Variants in FER1L6 observed in about 807,000 individuals in gnomAD.
FER1L6 encodes fer-1-like protein 6.
A neutral mutation model predicts 219.2 loss-of-function variants in FER1L6; 177 were observed. The observed-to-expected ratio is 0.81, with a 90% CI of 0.71 to 0.91. The LOEUF (loss-of-function observed/expected upper bound fraction) is 0.91, where lower values mean the gene tolerates loss of function less well. Ranked by LOEUF, FER1L6 falls within the 40% of genes least tolerant of loss-of-function variation. The probability of loss-of-function intolerance (pLI) is 0.00; values close to 1 mark genes in which losing one functional copy is unlikely to be tolerated. For missense variants in FER1L6, 2,153 were observed against 2,259.9 expected (o/e 0.95, Z 0.96); for synonymous variants, 768 against 824.3 (o/e 0.93, Z 1.17).
At chr8:123,873,175 A>G (rs142357778) in intron 1 of FER1L6, among the ~76,000 whole-genome samples, 1,694 of 152,280 alleles carry the variant, frequency 0.011, 16 homozygotes, top group Non-Finnish European at 0.017. Context: ...AAGATCCACC[A>G]TGCACCTGAC....
chr8:124,026,054 C>A (rs1413144491), intron 18 of FER1L6, among the ~76,000 whole-genome samples: 3 of 152,064 alleles, frequency 2.0e-5, no homozygotes, highest in African/African-American at 7.2e-5. Context: ...CACCCTTCAT[C>A]AAGACAGAGT....
intron 25 of FER1L6, among the ~76,000 whole-genome samples, chr8:124,062,586 A>G (rs1471499802): frequency 6.6e-6 from 1 of 152,140 alleles, no homozygotes; most frequent in African/African-American, 2.4e-5. Flanking sequence ...CTCTGTTTTA[A>G]GCTCTATCCA....
intron 14 of FER1L6, 80 bp downstream of exon 14, chr8:124,010,794 G>A: frequency 6.4e-7 from 1 of 1,556,344 alleles, no homozygotes; most frequent in South Asian, 1.2e-5. Flanking sequence ...ACCTAGTAGA[G>A]GATGTTGACC....
rs1048436807 is a variant in FER1L6, at chr8:123,977,533, C to T, written c.987C>T (p.Gly329=). The T allele has an allele frequency of 6.2e-7, 1 of 1,614,072 alleles. No homozygotes were observed. The highest frequency in any genetic ancestry group is 1.7e-5 in the Admixed American group (1 of 60,008). Residue 329 remains glycine, a synonymous_variant, in exon 10 of 41, where the codon GGC becomes GGT. Coordinates refer to ENST00000522917, the MANE Select transcript of FER1L6 (RefSeq NM_001039112.2). ...TGAAAATCCAGGTGTGGGATGAAGGCAGCATGAATGACGTAGCCCTGGCAA... is the reference window on the plus strand; with the variant it reads ...TGAAAATCCAGGTGTGGGATGAAGGTAGCATGAATGACGTAGCCCTGGCAA... The part of the protein sequence containing the change: ...RRVKIQVWDE[G]SMNDVALATH...
At chr8:123,999,742 T>G (rs557044635) in intron 12 of FER1L6, among the ~76,000 whole-genome samples, 1 of 152,294 alleles carries the variant, frequency 6.6e-6, no homozygotes, top group African/African-American at 2.4e-5. Context: ...CTTACAACTC[T>G]GTGTGGTGCT....
chr8:123,906,649 A>T (rs1812958059), intron 1 of FER1L6, among the ~76,000 whole-genome samples: 1 of 151,732 alleles, frequency 6.6e-6, no homozygotes, highest in Admixed American at 6.6e-5. Flanking sequence ...AAAATACAAA[A>T]ATTAGCTTGG....
At chr8:124,017,558 G>A (rs1292959070) in intron 15 of FER1L6, 70 bp from the exon 16 acceptor site, 12 of 1,221,188 alleles carry the variant, frequency 9.8e-6, no homozygotes, top group Non-Finnish European at 1.4e-5. Context: ...AACAATATTT[G>A]CAAACCTCTG....
chr8:124,086,019 C>T (rs1394644475), intron 33 of FER1L6, among the ~76,000 whole-genome samples: 3 of 152,226 alleles, frequency 2.0e-5, no homozygotes, highest in East Asian at 1.9e-4. Context: ...GTTTTATAAT[C>T]AGTATACCTA....
At chr8:123,857,248 GC>G (rs1325437538) in intron 1 of FER1L6, among the ~76,000 whole-genome samples, 3 of 152,192 alleles carry the variant, frequency 2.0e-5, no homozygotes, top group Admixed American at 6.5e-5. Flanking sequence ...GATGGCTCAT[GC>G]CTGTAATCTC....
chr8:124,118,979 G>C (rs1823366541), intron 40 of FER1L6, 35 bp downstream of exon 40: 3 of 1,547,498 alleles, frequency 1.9e-6, no homozygotes, highest in South Asian at 1.1e-5. Context: ...ATCAGAAATG[G>C]GAAGGGGCCT....
At chr8:124,102,763 G>A (rs1563801829) in intron 38 of FER1L6, among the ~76,000 whole-genome samples, 1 of 152,320 alleles carries the variant, frequency 6.6e-6, no homozygotes, top group South Asian at 2.1e-4. Flanking sequence ...GTGAAGTGGG[G>A]TGAGGAGGCT....
At chr8:124,075,068 G>A (rs58562578) in intron 31 of FER1L6, among the ~76,000 whole-genome samples, 5,288 of 152,182 alleles carry the variant, frequency 0.035, 297 homozygotes, top group African/African-American at 0.12. Context: ...CTGCTACTGT[G>A]GAGTTTAGAA....
chr8:123,906,947 G>C (rs1182206741), intron 1 of FER1L6, among the ~76,000 whole-genome samples: 2 of 152,134 alleles, frequency 1.3e-5, no homozygotes, highest in African/African-American at 4.8e-5. Context: ...GTAACCTGTG[G>C]ACAAAGTCAG....
At chr8:124,009,716 G>T (rs942905657) in intron 13 of FER1L6, among the ~76,000 whole-genome samples, 1 of 152,102 alleles carries the variant, frequency 6.6e-6, no homozygotes, top group African/African-American at 2.4e-5. Flanking sequence ...GGAAGGAGCT[G>T]GTGCTGCTGT....
At chr8:123,945,459 C>T (rs1239255952) in intron 1 of FER1L6, among the ~76,000 whole-genome samples, 1 of 152,246 alleles carries the variant, frequency 6.6e-6, no homozygotes, top group Non-Finnish European at 1.5e-5. Flanking sequence ...TTTATAAAGC[C>T]TCTCCAAAAT....
At chr8:123,911,793 C>G (rs773322470) in intron 1 of FER1L6, among the ~76,000 whole-genome samples, 7 of 151,946 alleles carry the variant, frequency 4.6e-5, no homozygotes, top group Non-Finnish European at 7.4e-5. Context: ...GACTCAGGGC[C>G]GTAGCCTGTC....
rs1820968130 is a variant in FER1L6 at position 124,069,369 on chromosome 8, C to G, written c.3728C>G (p.Pro1243Arg). 1 of 1,611,274 alleles carries G rather than the reference C, an allele frequency of 6.2e-7. No homozygotes were observed. Among genetic ancestry groups the G allele is most frequent in the Admixed American group, 1.7e-5 (1 of 59,524 alleles). Residue 1243 changes from proline to arginine, a missense_variant, in exon 29 of 41, where the codon CCA becomes CGA. Transcript: ENST00000522917. The stretch of plus-strand genomic sequence containing the variant: ...TGCTGAATATCCACAGAGGCAAAGC[C>G]AGATGAGGTAGTGGTAGATATAGAA... ...KGKKGNTEAKPDEVVVDIEDG... is the reference protein window; with the variant it reads ...KGKKGNTEAKRDEVVVDIEDG...
chr8:124,052,933 C>A (rs1169038297), intron 22 of FER1L6, among the ~76,000 whole-genome samples: 1 of 152,058 alleles, frequency 6.6e-6, no homozygotes, highest in African/African-American at 2.4e-5. Context: ...GATGAAGTTA[C>A]CTTTTTAAAA....
rs1436234961 is a variant in FER1L6, at chr8:124,097,959, T to A, written c.4883+76T>A. ...TTTAAACCCTAACTAAATCTATGCC[T>A]CATGGAGGATACTAAACCCACAGCC... On this transcript the variant is annotated intron_variant, in intron 37 of 40. Transcript: ENST00000522917. 1.5e-5 allele frequency: 12 copies of A among 785,312 alleles called. 1 individual carries two copies. In the Admixed American group the frequency reaches 2.2e-4, roughly 15 times the overall value. 48.6% of individuals were successfully genotyped at this position (785,312 alleles called of 1,614,324 possible). A position where few individuals can be genotyped will look rare whatever the true frequency, so the allele number is the denominator to read the frequency against.
Sources: gnomAD v4.1 joint callset for allele counts (sites outside exome capture counted in the v4.1 genomes callset) on GRCh38, gnomAD v4.1.1 for gene constraint, MANE v1.5 for transcripts, NCBI Gene and HGNC (gene_info 2026-07-23, HGNC 2026-07-21) for gene names.